The following BAZ2B variants were observed in gnomAD, a reference collection of about 807,000 sequenced individuals.
BAZ2B encodes the protein bromodomain adjacent to zinc finger domain protein 2B.
In BAZ2B, 91 loss-of-function variants were observed where a neutral mutation model predicts 246.0. That is an observed-to-expected ratio of 0.37 (90% CI 0.31 to 0.44). The LOEUF (loss-of-function observed/expected upper bound fraction) is 0.44, where lower values mean the gene tolerates loss of function less well. BAZ2B is among the 20% of genes least tolerant of loss of function. The probability of loss-of-function intolerance (pLI) is 1.00; values close to 1 mark genes in which losing one functional copy is unlikely to be tolerated. For synonymous variants in BAZ2B, 855 were observed against 860.0 expected (o/e 0.99, Z 0.10); for missense variants, 2,332 against 2,533.7 (o/e 0.92, Z 1.71).
At chr2:159,460,064 G>T (rs2076224693) in intron 3 of BAZ2B, 1 of 151,982 alleles carries the variant, frequency 6.6e-6, no homozygotes, top group African/African-American at 2.4e-5. Flanking sequence ...ATACACATCT[G>T]CAATGCCTAT....
intron 14 of BAZ2B, 68 bp from the exon 15 acceptor site, chr2:159,405,182 T>A: frequency 7.6e-7 from 1 of 1,314,148 alleles, no homozygotes; most frequent in Non-Finnish European, 1.1e-6. Context: ...ACAATAACTG[T>A]GTGAAAATGG....
At position 159,472,417 on chromosome 2, in the gene BAZ2B, CTGGAAATTTTCTAT is replaced by C. The variant is rs1192503485; in HGVS notation, c.145+6144_145+6157del. ...AGACAATTTGATTTCCTCTTTTCTA[CTGGAAATTTTCTAT>C]TGGAAATTTTCTATTCCTCTTTCCT... On this transcript the variant is annotated intron_variant, in intron 3 of 36. Coordinates refer to ENST00000392783, the MANE Select transcript of BAZ2B (RefSeq NM_013450.4). Among the ~76,000 whole-genome samples the C allele has an allele frequency of 2.6e-4, 40 of 152,332 alleles. No individual in the cohort carries two copies. In the East Asian group the frequency reaches 4.6e-3, roughly 18 times the overall value.
At chr2:159,375,770 T>C (rs1042765396) in intron 25 of BAZ2B, among the ~76,000 whole-genome samples, 4 of 152,208 alleles carry the variant, frequency 2.6e-5, no homozygotes, top group Admixed American at 6.5e-5. Flanking sequence ...CTCATGAATA[T>C]GTGGCACAGA....
At chr2:159,512,673 A>T (rs540464980) in intron 2 of BAZ2B, among the ~76,000 whole-genome samples, 1 of 152,348 alleles carries the variant, frequency 6.6e-6, no homozygotes, top group Admixed American at 6.5e-5. Flanking sequence ...AGGTCACAGT[A>T]TAGTACAAAC....
chr2:159,470,304 C>T (rs2077618799), intron 3 of BAZ2B, among the ~76,000 whole-genome samples: 1 of 152,148 alleles, frequency 6.6e-6, no homozygotes, highest in Non-Finnish European at 1.5e-5. Context: ...CAGTAATTGC[C>T]AGGGCAGGGA....
At chr2:159,327,968 G>A (rs1394259240) in intron 34 of BAZ2B, among the ~76,000 whole-genome samples, 1 of 150,332 alleles carries the variant, frequency 6.7e-6, no homozygotes, top group Non-Finnish European at 1.5e-5. Context: ...AGGAGGTTGA[G>A]GCACAAGAAT....
intron 1 of BAZ2B, among the ~76,000 whole-genome samples, chr2:159,605,417 T>C (rs1693246311): frequency 1.3e-5 from 2 of 152,206 alleles, no homozygotes; most frequent in Admixed American, 6.5e-5. Flanking sequence ...ATTATAAATA[T>C]AGAAATAAAC....
the BAZ2B span, among the ~76,000 whole-genome samples, chr2:159,678,648 C>A: frequency 6.6e-6 from 1 of 152,146 alleles, no homozygotes; most frequent in Non-Finnish European, 1.5e-5. Flanking sequence ...AATAAACTTA[C>A]TATTCTACAT....
intron 23 of BAZ2B, among the ~76,000 whole-genome samples, chr2:159,384,805 GA>G (rs1337977779): frequency 2.0e-5 from 3 of 151,284 alleles, no homozygotes; most frequent in South Asian, 4.2e-4. Flanking sequence ...AGACGTGAAG[GA>G]AAAAAAAATT....
At chr2:159,543,076 G>T (rs1220623663) in intron 2 of BAZ2B, among the ~76,000 whole-genome samples, 1 of 152,124 alleles carries the variant, frequency 6.6e-6, no homozygotes, top group Non-Finnish European at 1.5e-5. Flanking sequence ...TTGTTCGGAG[G>T]ATGAAATAAA....
intron 2 of BAZ2B, among the ~76,000 whole-genome samples, chr2:159,508,712 C>T (rs936458086): frequency 2.6e-5 from 4 of 152,108 alleles, no homozygotes; most frequent in African/African-American, 9.7e-5. Flanking sequence ...ACCCCCTGAC[C>T]AGAAATTTAA....
chr2:159,599,844 G>T (rs113542967), intron 1 of BAZ2B, among the ~76,000 whole-genome samples: 35,597 of 150,130 alleles, frequency 0.24, 5,370 homozygotes, highest in Admixed American at 0.38. Flanking sequence ...GCTGAGGCAG[G>T]AGAATGGCGT....
At chr2:159,517,698 AATG>A (rs1430436984) in intron 2 of BAZ2B, among the ~76,000 whole-genome samples, 1 of 152,174 alleles carries the variant, frequency 6.6e-6, no homozygotes, top group African/African-American at 2.4e-5. Context: ...AACAAAACAG[AATG>A]ATAACAAATA....
intron 2 of BAZ2B, among the ~76,000 whole-genome samples, chr2:159,491,874 T>G (rs1577715548): frequency 6.6e-6 from 1 of 152,166 alleles, no homozygotes; most frequent in East Asian, 1.9e-4. Context: ...TAATTAACTA[T>G]TATAGCCAAC....
chr2:159,460,451 G>A (rs1345103130), intron 3 of BAZ2B: 2 of 152,052 alleles, frequency 1.3e-5, no homozygotes, highest in Admixed American at 6.5e-5. Flanking sequence ...ACGTTTTTCT[G>A]TGTGCTAAAA....
intron 2 of BAZ2B, among the ~76,000 whole-genome samples, chr2:159,528,191 CATT>C (rs1332665011): frequency 3.3e-5 from 5 of 152,032 alleles, no homozygotes; most frequent in Admixed American, 2.0e-4. Context: ...ATTATATCAT[CATT>C]GAGAGGATGA....
chr2:159,329,333 T>C (rs1271904134), intron 34 of BAZ2B, among the ~76,000 whole-genome samples: 1 of 152,158 alleles, frequency 6.6e-6, no homozygotes, highest in African/African-American at 2.4e-5. Flanking sequence ...AGGATGTGTG[T>C]AGGTTATATG....
At chr2:159,612,833 GT>G (rs1270306899) in intron 1 of BAZ2B, among the ~76,000 whole-genome samples, 8 of 152,230 alleles carry the variant, frequency 5.3e-5, no homozygotes, top group African/African-American at 1.7e-4. Flanking sequence ...ACATCAGGAT[GT>G]TTGGCAAAAC....
At chr2:159,636,618 AC>A in the BAZ2B span, among the ~76,000 whole-genome samples, 1 of 152,186 alleles carries the variant, frequency 6.6e-6, no homozygotes, top group Non-Finnish European at 1.5e-5. Flanking sequence ...AGTCTAGGAC[AC>A]AAGGACTGCA....
Sources: gnomAD v4.1 joint callset for allele counts (sites outside exome capture counted in the v4.1 genomes callset) on GRCh38, gnomAD v4.1.1 for gene constraint, MANE v1.5 for transcripts, NCBI Gene and HGNC (gene_info 2026-07-23, HGNC 2026-07-21) for gene names.